GREM2: variants seen among roughly 807,000 people sequenced by gnomAD.
The protein encoded by GREM2 is gremlin 2, DAN family BMP antagonist.
In GREM2, 11 loss-of-function variants were observed where a neutral mutation model predicts 14.2. That is an observed-to-expected ratio of 0.78 (90% CI 0.49 to 1.28). GREM2 has a LOEUF of 1.28. Among genes scored for constraint, GREM2 ranks in the 50% most tolerant of loss-of-function variants. The pLI is 0.00. For synonymous variants in GREM2, 98 were observed against 97.6 expected (o/e 1.00, Z -0.02); for missense variants, 210 against 218.5 (o/e 0.96, Z 0.24).
intron 1 of GREM2, among the ~76,000 whole-genome samples, chr1:240,531,264 C>T (rs1425450047): frequency 6.6e-6 from 1 of 152,178 alleles, no homozygotes; most frequent in Non-Finnish European, 1.5e-5. Flanking sequence ...TTGTGTTCAT[C>T]TCTATTTATA....
chr1:240,553,752 T>C (rs1180643886), intron 1 of GREM2, among the ~76,000 whole-genome samples: 2 of 152,250 alleles, frequency 1.3e-5, no homozygotes, highest in African/African-American at 4.8e-5. Flanking sequence ...CCTCAATGGA[T>C]AACATCTGAA....
intron 1 of GREM2, among the ~76,000 whole-genome samples, chr1:240,597,515 C>T (rs1432648931): frequency 6.6e-6 from 1 of 152,208 alleles, no homozygotes; most frequent in South Asian, 2.1e-4. Context: ...CGTCCCTTTC[C>T]GCCTTGCTCC....
chr1:240,527,540 G>T (rs1678250788), intron 1 of GREM2, among the ~76,000 whole-genome samples: 1 of 152,174 alleles, frequency 6.6e-6, no homozygotes, highest in East Asian at 1.9e-4. Flanking sequence ...AAAACATTTT[G>T]AATGTATGTG....
chr1:240,512,576 GC>G (rs57186005), intron 1 of GREM2, among the ~76,000 whole-genome samples: 3,016 of 53,988 alleles, frequency 0.056, 116 homozygotes, highest in African/African-American at 0.28. Context: ...ACCACTGAAT[GC>G]AGTTTGCTCT....
intron 1 of GREM2, among the ~76,000 whole-genome samples, chr1:240,509,231 T>G (rs1325222696): frequency 6.6e-6 from 1 of 152,098 alleles, no homozygotes; most frequent in African/African-American, 2.4e-5. Flanking sequence ...AGGGTCATGT[T>G]GAGAGAGGCC....
At chr1:240,517,775 G>A (rs1023558931) in intron 1 of GREM2, among the ~76,000 whole-genome samples, 3 of 152,108 alleles carry the variant, frequency 2.0e-5, no homozygotes, top group East Asian at 1.9e-4. Flanking sequence ...CTGATCACAC[G>A]TAGAGGCTTG....
At chr1:240,529,688 TA>T (rs34650380) in intron 1 of GREM2, among the ~76,000 whole-genome samples, 1 of 151,636 alleles carries the variant, frequency 6.6e-6, no homozygotes, top group East Asian at 1.9e-4. Flanking sequence ...TGATTTTTTT[TA>T]AAAAAATGGT....
chr1:240,522,026 A>T (rs944613471), intron 1 of GREM2, among the ~76,000 whole-genome samples: 2 of 150,882 alleles, frequency 1.3e-5, no homozygotes, highest in African/African-American at 4.9e-5. Context: ...AGGCTGATGT[A>T]GGAGGATTGC....
intron 1 of GREM2, among the ~76,000 whole-genome samples, chr1:240,568,131 G>A (rs577985545): frequency 1.2e-3 from 182 of 151,898 alleles, no homozygotes; most frequent in Non-Finnish European, 2.3e-3. Flanking sequence ...TAAAAATAAC[G>A]TATTGTAGCA....
intron 1 of GREM2, among the ~76,000 whole-genome samples, chr1:240,529,963 C>G (rs1288009467): frequency 1.3e-5 from 2 of 152,134 alleles, no homozygotes; most frequent in Non-Finnish European, 2.9e-5. Flanking sequence ...TCCTGAAATT[C>G]TGGTTAACAT....
At chr1:240,511,687 A>G (rs1428060404) in intron 1 of GREM2, among the ~76,000 whole-genome samples, 1 of 152,066 alleles carries the variant, frequency 6.6e-6, no homozygotes, top group Admixed American at 6.6e-5. Context: ...TGAGAGGTGG[A>G]GTTTGCGGTA....
At chr1:240,534,431 T>G (rs1017363979) in intron 1 of GREM2, among the ~76,000 whole-genome samples, 1 of 152,134 alleles carries the variant, frequency 6.6e-6, no homozygotes, top group African/African-American at 2.4e-5. Context: ...GGCTCACGCC[T>G]GTAATCCCAG....
At chr1:240,554,378 T>G (rs1678914316) in intron 1 of GREM2, among the ~76,000 whole-genome samples, 1 of 147,828 alleles carries the variant, frequency 6.8e-6, no homozygotes, top group South Asian at 2.1e-4. Context: ...GCCACTGCAC[T>G]CCAGCCTGGG....
In GREM2 at chr1:240,514,016, C is replaced by A. The variant is rs1273464755; in HGVS notation, c.-1-20540G>T. Among the ~76,000 whole-genome samples the A allele has an allele frequency of 1.3e-4, 19 of 151,862 alleles. 1 individual carries two copies. The highest frequency in any genetic ancestry group is 1.1e-3 in the Admixed American group (17 of 15,242). ...ATCCCAGCACTTTGGGCGGCTGAGG[C>A]GGGTGGATCACCTGACGTCAGGACT... On this transcript the variant is annotated intron_variant, in intron 1 of 1. Transcript: ENST00000318160.
intron 1 of GREM2, among the ~76,000 whole-genome samples, chr1:240,594,413 T>G (rs1329670984): frequency 1.3e-5 from 2 of 152,200 alleles, no homozygotes; most frequent in African/African-American, 4.8e-5. Context: ...TGGTTCATTC[T>G]TTATTTGCTC....
intron 1 of GREM2, among the ~76,000 whole-genome samples, chr1:240,506,613 A>C (rs1425421948): frequency 6.6e-6 from 1 of 152,234 alleles, no homozygotes; most frequent in Non-Finnish European, 1.5e-5. Flanking sequence ...TTGAAAACGG[A>C]TTAAAAATGA....
At chr1:240,502,570 C>A (rs1338404756) in intron 1 of GREM2, among the ~76,000 whole-genome samples, 1 of 152,196 alleles carries the variant, frequency 6.6e-6, no homozygotes, top group Non-Finnish European at 1.5e-5. Flanking sequence ...CTCTACTCAA[C>A]TGCCTATCAA....
chr1:240,502,424 C>T (rs910034930), intron 1 of GREM2, among the ~76,000 whole-genome samples: 35 of 152,218 alleles, frequency 2.3e-4, no homozygotes, highest in African/African-American at 8.2e-4. Flanking sequence ...ATTTTTCTTT[C>T]TGTGCTCTCC....
At chr1:240,566,018 C>A (rs1679173354) in intron 1 of GREM2, among the ~76,000 whole-genome samples, 1 of 152,052 alleles carries the variant, frequency 6.6e-6, no homozygotes, top group South Asian at 2.1e-4. Flanking sequence ...CGGTCACAGG[C>A]AAACACTAAA....
Sources: gnomAD v4.1 joint callset for allele counts (sites outside exome capture counted in the v4.1 genomes callset) on GRCh38, gnomAD v4.1.1 for gene constraint, MANE v1.5 for transcripts, NCBI Gene and HGNC (gene_info 2026-07-23, HGNC 2026-07-21) for gene names.